The following ADAM12 variants were observed in gnomAD, a reference collection of about 807,000 sequenced individuals.
ADAM12 encodes the protein ADAM metallopeptidase domain 12.
ADAM12 carries 70 observed loss-of-function variants against 106.4 expected under a neutral mutation model. That is an observed-to-expected ratio of 0.66 (90% CI 0.54 to 0.80). The LOEUF (loss-of-function observed/expected upper bound fraction) is 0.80. Ranked by LOEUF, ADAM12 falls within the 30% of genes least tolerant of loss-of-function variation. The pLI is 0.00. For missense variants in ADAM12, 1,010 were observed against 1,171.9 expected (o/e 0.86, Z 2.02); for synonymous variants, 420 against 433.5 (o/e 0.97, Z 0.39).
At position 126,349,668 on chromosome 10, in the gene ADAM12, A is replaced by G. The variant is rs185886739; in HGVS notation, c.89-19159T>C. Among the ~76,000 whole-genome samples, 1,493 of 152,360 alleles carry G rather than the reference A, an allele frequency of 9.8e-3. 10 individuals carry two copies. Among genetic ancestry groups the G allele is most frequent in the Non-Finnish European group, 0.016 (1,091 of 68,034 alleles). On this transcript the variant is annotated intron_variant, in intron 1 of 22. Coordinates refer to ENST00000448723, the MANE Select transcript of ADAM12 (RefSeq NM_001288973.2). The stretch of plus-strand genomic sequence containing the variant: ...GAGGAAACTTCCCTCTAAAGGTCCA[A>G]TTGAGAATGAAATTATCAAAGGAAG...
At chr10:126,108,345 C>T (rs1955812244) in intron 8 of ADAM12, among the ~76,000 whole-genome samples, 1 of 152,138 alleles carries the variant, frequency 6.6e-6, no homozygotes. Context: ...ACTGGTATTC[C>T]ACCTGACCGG....
intron 5 of ADAM12, among the ~76,000 whole-genome samples, chr10:126,129,606 G>A (rs1381566563): frequency 6.6e-6 from 1 of 152,226 alleles, no homozygotes; most frequent in Non-Finnish European, 1.5e-5. Context: ...TTGGGAACCA[G>A]AATGTAAAAA....
intron 4 of ADAM12, among the ~76,000 whole-genome samples, chr10:126,148,435 C>G (rs961653971): frequency 6.6e-6 from 1 of 152,280 alleles, no homozygotes; most frequent in East Asian, 1.9e-4. Context: ...CTCGGACTCT[C>G]CTTAAGGGGC....
At position 126,082,363 on chromosome 10, in the gene ADAM12, G is replaced by GTTTTTTTTTTTTTTTTTTTTTTTTT. The variant is rs5788763; in HGVS notation, c.1146-10710_1146-10709insAAAAAAAAAAAAAAAAAAAAAAAAA. On this transcript the variant is annotated intron_variant, in intron 11 of 22. Coordinates refer to ENST00000448723, the MANE Select transcript of ADAM12 (RefSeq NM_001288973.2). ...CTCTGGAGAAGACAATCTAATGACT[G>GTTTTTTTTTTTTTTTTTTTTTTTTT]TTTTTTTTTTTTTTTTTTTTTTTTA... 3.7e-5 allele frequency among the ~76,000 whole-genome samples: 3 copies of GTTTTTTTTTTTTTTTTTTTTTTTTT among 80,772 alleles called. 1 individual carries two copies. Among genetic ancestry groups the GTTTTTTTTTTTTTTTTTTTTTTTTT allele is most frequent in the African/African-American group, 1.6e-4 (3 of 18,698 alleles). The allele number at this position is 80,772 out of a possible 152,430, so 53.0% of individuals were successfully genotyped here.
At chr10:126,178,309 G>T (rs1342931600) in intron 3 of ADAM12, among the ~76,000 whole-genome samples, 1 of 151,178 alleles carries the variant, frequency 6.6e-6, no homozygotes, top group African/African-American at 2.4e-5. Flanking sequence ...TTTATAAAGA[G>T]AATTTTGCAC....
intron 2 of ADAM12, among the ~76,000 whole-genome samples, chr10:126,287,341 T>C (rs1253740161): frequency 6.6e-6 from 1 of 152,128 alleles, no homozygotes; most frequent in Non-Finnish European, 1.5e-5. Context: ...AATGAAAACA[T>C]GACTTATCAG....
At chr10:126,132,263 G>A (rs1261996717) in intron 5 of ADAM12, among the ~76,000 whole-genome samples, 1 of 152,142 alleles carries the variant, frequency 6.6e-6, no homozygotes, top group Non-Finnish European at 1.5e-5. Flanking sequence ...GTGAGCCACC[G>A]CGCCCCCGGG....
intron 21 of ADAM12, among the ~76,000 whole-genome samples, chr10:126,030,091 G>T (rs1953947728): frequency 6.6e-6 from 1 of 152,200 alleles, no homozygotes; most frequent in Non-Finnish European, 1.5e-5. Flanking sequence ...AGAAGTCATG[G>T]TATAGCTTCA....
chr10:126,292,234 T>C (rs1315039586), intron 2 of ADAM12, among the ~76,000 whole-genome samples: 1 of 152,152 alleles, frequency 6.6e-6, no homozygotes, highest in Admixed American at 6.5e-5. Flanking sequence ...CCCGAGTGCA[T>C]TCCTCATTTT....
chr10:126,019,685 T>C lies in ADAM12; in HGVS notation c.2660+10A>G. 6.2e-7 allele frequency: 1 copy of C among 1,611,566 alleles called. No homozygotes were observed. The highest frequency in any genetic ancestry group is 8.5e-7 in the Non-Finnish European group (1 of 1,178,514). On this transcript the variant is annotated intron_variant, in intron 22 of 22. Transcript: ENST00000448723. ...GAGAGAAAGAGATGGGCATGGCATG[T>C]CACACAAACCTGAGGGGTGCCAGGC...
At chr10:126,026,166 A>G (rs1953868969) in intron 21 of ADAM12, among the ~76,000 whole-genome samples, 2 of 152,354 alleles carry the variant, frequency 1.3e-5, no homozygotes, top group East Asian at 3.9e-4. Context: ...AGGCAAATGG[A>G]AAACAGAAAA....
intron 3 of ADAM12, among the ~76,000 whole-genome samples, chr10:126,169,293 G>C (rs185183603): frequency 6.6e-6 from 1 of 152,254 alleles, no homozygotes; most frequent in Admixed American, 6.5e-5. Context: ...TCCTAAATGC[G>C]GTTCTCCTTG....
intron 3 of ADAM12, among the ~76,000 whole-genome samples, chr10:126,248,630 T>C (rs2133675213): frequency 6.6e-6 from 1 of 152,282 alleles, no homozygotes; most frequent in Non-Finnish European, 1.5e-5. Flanking sequence ...AGCTAGGTAT[T>C]GTTTTAGGAG....
chr10:126,080,022 G>A (rs944804837), intron 11 of ADAM12, among the ~76,000 whole-genome samples: 5 of 152,162 alleles, frequency 3.3e-5, no homozygotes, highest in Non-Finnish European at 1.5e-5. Flanking sequence ...GAATTTTCAA[G>A]TACCTGGAAG....
At chr10:126,306,938 T>C (rs998953762) in intron 2 of ADAM12, among the ~76,000 whole-genome samples, 10 of 152,326 alleles carry the variant, frequency 6.6e-5, no homozygotes, top group Middle Eastern at 3.4e-3. Context: ...ATTATCTCCT[T>C]AGACATTGCT....
intron 2 of ADAM12, among the ~76,000 whole-genome samples, chr10:126,289,591 G>T (rs1960052181): frequency 6.6e-6 from 1 of 152,216 alleles, no homozygotes; most frequent in Non-Finnish European, 1.5e-5. Context: ...CCCAGGTCTT[G>T]GAACACCCTG....
chr10:126,153,081 C>G (rs1364943334), intron 4 of ADAM12, among the ~76,000 whole-genome samples: 3 of 152,106 alleles, frequency 2.0e-5, no homozygotes, highest in Middle Eastern at 3.2e-3. Context: ...CTGAGCTATT[C>G]TTTGTTAGTT....
intron 3 of ADAM12, among the ~76,000 whole-genome samples, chr10:126,225,025 A>G (rs1166513396): frequency 6.6e-6 from 1 of 152,238 alleles, no homozygotes; most frequent in African/African-American, 2.4e-5. Flanking sequence ...TGGGAGTGAG[A>G]AGCAACTCTT....
intron 3 of ADAM12, among the ~76,000 whole-genome samples, chr10:126,243,489 A>ATG (rs57227903): frequency 0.38 from 55,473 of 146,710 alleles, 11,093 homozygotes; most frequent in Non-Finnish European, 0.47. Flanking sequence ...GTGTGAGTGT[A>ATG]TGTGTGTGTG....
Sources: allele counts gnomAD v4.1 joint callset (sites outside exome capture counted in the v4.1 genomes callset), GRCh38; gene constraint gnomAD v4.1.1; transcripts MANE v1.5; gene names NCBI Gene and HGNC (gene_info 2026-07-23, HGNC 2026-07-21).